NUDT5: variants seen among roughly 807,000 people sequenced by gnomAD.
The protein encoded by NUDT5 is nudix hydrolase 5.
Under a neutral mutation model 34.1 loss-of-function variants are expected in NUDT5, and 21 were observed. The observed-to-expected ratio is 0.62, with a 90% confidence interval of 0.44 to 0.89. The LOEUF (loss-of-function observed/expected upper bound fraction) is 0.89. Among genes scored for constraint, NUDT5 ranks in the 40% least tolerant of loss-of-function variants. The pLI, the probability that NUDT5 is intolerant of heterozygous loss-of-function variation, is 0.00. For synonymous variants in NUDT5, 85 were observed against 97.6 expected (o/e 0.87, Z 0.76); for missense variants, 249 against 274.8 (o/e 0.91, Z 0.66).
intron 1 of NUDT5, among the ~76,000 whole-genome samples, chr10:12,189,230 C>T (rs904991650): frequency 2.0e-5 from 3 of 152,250 alleles, no homozygotes; most frequent in African/African-American, 7.2e-5. Flanking sequence ...CTCAGCCTCC[C>T]GAGTACCTGG....
rs12784508 is a variant in NUDT5 at position 12,177,584 on chromosome 10, G to T, written c.289+209C>A. Among the ~76,000 whole-genome samples, 189 of 152,336 alleles carry T rather than the reference G, an allele frequency of 1.2e-3. 2 individuals are homozygous for T. The highest frequency in any genetic ancestry group is 7.8e-3 in the Admixed American group (120 of 15,302). ...CATTGCCAAGAGGAGGTTGGGATGG[G>T]TGGGAGGTGGCCTTGTGTCGCCTTC... On this transcript the variant is annotated intron_variant, in intron 5 of 9. Coordinates refer to ENST00000491614, the MANE Select transcript of NUDT5 (RefSeq NM_014142.4).
rs1226272096 is a variant in NUDT5 at position 12,171,612 on chromosome 10, CT to C, written c.488-705del. On this transcript the variant is annotated intron_variant, in intron 7 of 9. Coordinates refer to ENST00000491614, the MANE Select transcript of NUDT5 (RefSeq NM_014142.4). This position sits in a 1 kb window ranked among gnomAD's most constrained non-coding sequence, Gnocchi z 4.2. ...GCCAGATCATATAATAATTCTGTAT[CT>C]AATATGCTGAGGAACTGCCAAACTT... Among the ~76,000 whole-genome samples, 4 of 152,066 alleles carry C rather than the reference CT, an allele frequency of 2.6e-5. No homozygotes were observed. Among genetic ancestry groups the C allele is most frequent in the Admixed American group, 1.3e-4 (2 of 15,250 alleles).
chr10:12,185,417 A>C (rs2131713227), intron 2 of NUDT5, among the ~76,000 whole-genome samples: 1 of 152,308 alleles, frequency 6.6e-6, no homozygotes, highest in South Asian at 2.1e-4. Context: ...ACTGTGGGGA[A>C]ACAGGGTCCA....
chr10:12,186,652 G>C (rs797019556), intron 1 of NUDT5, among the ~76,000 whole-genome samples: 87 of 148,458 alleles, frequency 5.9e-4, no homozygotes, highest in African/African-American at 2.1e-3. Context: ...TTTTTTGAGA[G>C]AGTCTCACTC....
chr10:12,170,961 G>C lies in NUDT5; in HGVS notation c.488-53C>G, dbSNP rs529240538. On this transcript the variant is annotated intron_variant, in intron 7 of 9. Coordinates refer to ENST00000491614, the MANE Select transcript of NUDT5 (RefSeq NM_014142.4). The surrounding 1 kb of genome is among the most constrained non-coding windows in gnomAD (Gnocchi z 4.9). ...CAGCAAGGCCTGGAGTGGTAACATC[G>C]GAAGACTTTTATACAAGAGGCGTCA... 6.3e-7 allele frequency: 1 copy of C among 1,598,770 alleles called. No homozygotes were observed. Among genetic ancestry groups the C allele is most frequent in the African/African-American group, 1.3e-5 (1 of 74,482 alleles).
Position 12,182,045 on chromosome 10 carries a change from C to G in NUDT5, c.131+2844G>C, listed in dbSNP as rs142853764. On this transcript the variant is annotated intron_variant, in intron 3 of 9. Coordinates refer to ENST00000491614, the MANE Select transcript of NUDT5 (RefSeq NM_014142.4). The surrounding 1 kb of genome is among the most constrained non-coding windows in gnomAD (Gnocchi z 4.3). ...TACTCGAGTGGCTGAGATAGAATTGCTAGAACCAGGGAGGTAGAGGTTGCA... is the reference window on the plus strand; with the variant it reads ...TACTCGAGTGGCTGAGATAGAATTGGTAGAACCAGGGAGGTAGAGGTTGCA... 4.7e-3 allele frequency among the ~76,000 whole-genome samples: 708 copies of G among 151,440 alleles called. 4 individuals carry two copies. Among genetic ancestry groups the G allele is most frequent in the Non-Finnish European group, 7.7e-3 (523 of 67,904 alleles).
In NUDT5 at chr10:12,173,715, A is replaced by G. The variant is rs1401407454; in HGVS notation, c.385+3T>C. 6.2e-7 allele frequency: 1 copy of G among 1,610,418 alleles called. No homozygotes were observed. The highest frequency in any genetic ancestry group is 2.2e-5 in the East Asian group (1 of 44,844). The stretch of plus-strand genomic sequence containing the variant: ...ACTTGGTGAATTTTCAAGCAATACC[A>G]ACCTGGAGAACATTCGGCAATGTCC... On this transcript the variant is annotated splice_donor_region_variant and intron_variant, in intron 6 of 9. Transcript: ENST00000491614. This position sits in a 1 kb window ranked among gnomAD's most constrained non-coding sequence, Gnocchi z 4.7.
chr10:12,172,558 C>A, intron 7 of NUDT5: 1 of 584,274 alleles, frequency 1.7e-6, no homozygotes, highest in South Asian at 2.1e-5. Context: ...CATTTTTTTA[C>A]AAAGAAAGCG....
chr10:12,190,019 A>G (rs534753205), intron 1 of NUDT5, among the ~76,000 whole-genome samples: 1 of 150,918 alleles, frequency 6.6e-6, no homozygotes, highest in Non-Finnish European at 1.5e-5. Flanking sequence ...TCAGCCTCCC[A>G]AGTAGCTGGG....
At chr10:12,178,297 A>C (rs1271813878) in intron 4 of NUDT5, among the ~76,000 whole-genome samples, 1 of 152,160 alleles carries the variant, frequency 6.6e-6, no homozygotes, top group Non-Finnish European at 1.5e-5. Flanking sequence ...GCAAGAAATC[A>C]AGTAAGTTCC....
Position 12,170,548 on chromosome 10 carries a change from C to T in NUDT5, c.550+169G>A, listed in dbSNP as rs1026378591. Reference sequence around the variant, plus strand: ...GCTCTTATTTTCAAACTCTGTGCCACCCAGAAAGGAAAATTAGTAGTGGTC... The same window carrying T: ...GCTCTTATTTTCAAACTCTGTGCCATCCAGAAAGGAAAATTAGTAGTGGTC... On this transcript the variant is annotated intron_variant, in intron 9 of 9. Transcript: ENST00000491614. This position sits in a 1 kb window ranked among gnomAD's most constrained non-coding sequence, Gnocchi z 4.9. The T allele has an allele frequency of 1.4e-6, 1 of 710,278 alleles. No homozygotes were observed. Among genetic ancestry groups the T allele is most frequent in the Non-Finnish European group, 2.4e-6 (1 of 413,246 alleles). 44.0% of individuals were successfully genotyped at this position (710,278 alleles called of 1,614,324 possible). A position where few individuals can be genotyped will look rare whatever the true frequency, so the allele number is the denominator to read the frequency against.
chr10:12,188,998 C>A (rs893712099), intron 1 of NUDT5, among the ~76,000 whole-genome samples: 1 of 152,194 alleles, frequency 6.6e-6, no homozygotes, highest in African/African-American at 2.4e-5. Context: ...AAGTAAACCA[C>A]GTAGAAGTTT....
rs557325760 is a variant in NUDT5, at chr10:12,180,748, T to G, written c.132-1616A>C. Among the ~76,000 whole-genome samples the G allele has an allele frequency of 4.6e-5, 7 of 152,292 alleles. No individual in the cohort carries two copies. The East Asian group carries it at 1.2e-3, about 25-fold the overall frequency. On this transcript the variant is annotated intron_variant, in intron 3 of 9. Transcript: ENST00000491614. ...GCCTCCCTGAGGCTCTTCCCTCCTT[T>G]GTAAAAAGCAGGAATGAGTATGTTT...
chr10:12,173,565 C>T lies in NUDT5; in HGVS notation c.385+153G>A, dbSNP rs754823648. Among the ~76,000 whole-genome samples the T allele has an allele frequency of 1.7e-4, 26 of 152,318 alleles. No individual in the cohort carries two copies. Among genetic ancestry groups the T allele is most frequent in the Non-Finnish European group, 3.1e-4 (21 of 68,030 alleles). On this transcript the variant is annotated intron_variant, in intron 6 of 9. Coordinates refer to ENST00000491614, the MANE Select transcript of NUDT5 (RefSeq NM_014142.4). The surrounding 1 kb of genome is among the most constrained non-coding windows in gnomAD (Gnocchi z 4.7). ...CAGGCCCTTCTGGCTCCAGTTTCCT[C>T]CTGGGAGGGGAGATTCCCTTACACT...
Position 12,170,499 on chromosome 10 carries a change from T to G in NUDT5, c.550+218A>C. 1.6e-6 allele frequency: 1 copy of G among 633,616 alleles called. No individual in the cohort carries two copies. Among genetic ancestry groups the G allele is most frequent in the Non-Finnish European group, 2.8e-6 (1 of 359,218 alleles). 39.2% of individuals were successfully genotyped at this position (633,616 alleles called of 1,614,324 possible). ...TAGGAGAAAAAGCCTCTACCAAAAG[T>G]TTGCACTTGACCCAGAATGCTTTGC... On this transcript the variant is annotated intron_variant, in intron 9 of 9. Transcript: ENST00000491614. The surrounding 1 kb of genome is among the most constrained non-coding windows in gnomAD (Gnocchi z 4.9).
chr10:12,185,062 AATC>A (rs1835103985), intron 2 of NUDT5, 106 bp from the exon 3 acceptor site: 1 of 660,564 alleles, frequency 1.5e-6, no homozygotes, highest in Non-Finnish European at 2.7e-6. Flanking sequence ...GACTCCCAAT[AATC>A]ATCTTTCCTT....
rs566393300 is a variant in NUDT5 at position 12,187,163 on chromosome 10, G to C, written c.-41-831C>G. Among the ~76,000 whole-genome samples the C allele has an allele frequency of 6.6e-6, 1 of 152,188 alleles. No individual in the cohort carries two copies. Among genetic ancestry groups the C allele is most frequent in the Non-Finnish European group, 1.5e-5 (1 of 68,034 alleles). On this transcript the variant is annotated intron_variant, in intron 1 of 9. Transcript: ENST00000491614. The surrounding 1 kb of genome is among the most constrained non-coding windows in gnomAD (Gnocchi z 5.4). Reference sequence around the variant, plus strand: ...TCCTCGCATCTCAGCCTCCTGAGTAGCTGGGATTACAGGTGCATGCTACCA... The same window carrying C: ...TCCTCGCATCTCAGCCTCCTGAGTACCTGGGATTACAGGTGCATGCTACCA...
In NUDT5 at chr10:12,187,535, T is replaced by C. The variant is rs973729400; in HGVS notation, c.-41-1203A>G. Among the ~76,000 whole-genome samples, 10 of 152,166 alleles carry C rather than the reference T, an allele frequency of 6.6e-5. No homozygotes were observed. Among genetic ancestry groups the C allele is most frequent in the Non-Finnish European group, 1.0e-4 (7 of 68,034 alleles). ...AGTCTTTTTTTCTTACCCACACACATGGTTGTTAATTCAGCTGTATATAGA... is the reference window on the plus strand; with the variant it reads ...AGTCTTTTTTTCTTACCCACACACACGGTTGTTAATTCAGCTGTATATAGA... On this transcript the variant is annotated intron_variant, in intron 1 of 9. Coordinates refer to ENST00000491614, the MANE Select transcript of NUDT5 (RefSeq NM_014142.4). This position sits in a 1 kb window ranked among gnomAD's most constrained non-coding sequence, Gnocchi z 5.4.
At position 12,169,997 on chromosome 10, in the gene NUDT5, G is replaced by A. The variant is rs1834818997; in HGVS notation, c.550+720C>T. ...CTTTCTAGATGAGTGAAAGGGATTTGCCAGCCCATACAGAGGTGCTCCTTG... is the reference window on the plus strand; with the variant it reads ...CTTTCTAGATGAGTGAAAGGGATTTACCAGCCCATACAGAGGTGCTCCTTG... On this transcript the variant is annotated intron_variant, in intron 9 of 9. Transcript: ENST00000491614. The surrounding 1 kb of genome is among the most constrained non-coding windows in gnomAD (Gnocchi z 4.8). 7 of 863,746 alleles carry A rather than the reference G, an allele frequency of 8.1e-6. No individual in the cohort carries two copies. In the South Asian group the frequency reaches 1.1e-4, roughly 14 times the overall value. 53.5% of individuals were successfully genotyped at this position (863,746 alleles called of 1,614,324 possible). A position where few individuals can be genotyped will look rare whatever the true frequency, so the allele number is the denominator to read the frequency against.
Sources: allele counts gnomAD v4.1 joint callset (sites outside exome capture counted in the v4.1 genomes callset), GRCh38; gene constraint gnomAD v4.1.1; non-coding constraint Gnocchi (gnomAD v3.1); transcripts MANE v1.5; gene names NCBI Gene and HGNC (gene_info 2026-07-23, HGNC 2026-07-21).